The following HHEX variants were observed in gnomAD, a reference collection of about 807,000 sequenced individuals.
HHEX encodes the protein hematopoietically-expressed homeobox protein HHEX.
A neutral mutation model predicts 27.0 loss-of-function variants in HHEX; 8 were observed. The observed-to-expected ratio is 0.30, with a 90% confidence interval of 0.17 to 0.54. The LOEUF is 0.54. Ranked by LOEUF, HHEX falls within the 20% of genes least tolerant of loss-of-function variation. HHEX has a pLI of 0.95. For synonymous variants in HHEX, 164 were observed against 161.5 expected, an observed-to-expected ratio of 1.02 and a Z score of -0.12; for missense variants, 326 against 357.2, an observed-to-expected ratio of 0.91 and a Z score of 0.70.
chr10:92,691,508 G>A (rs960958863), intron 1 of HHEX: 2 of 152,232 alleles, frequency 1.3e-5, no homozygotes, highest in African/African-American at 4.8e-5. Flanking sequence ...AGGGGAGGGG[G>A]ATTGTATTTT....
intron 3 of HHEX, among the ~76,000 whole-genome samples, chr10:92,693,021 C>T (rs1448675594): frequency 1.3e-5 from 2 of 152,104 alleles, no homozygotes; most frequent in African/African-American, 4.8e-5. Context: ...TTATAAATCC[C>T]ATATGTTGTT....
chr10:92,690,373 G>C (rs866019189), intron 1 of HHEX, 26 bp downstream of exon 1: 2 of 1,404,832 alleles, frequency 1.4e-6, no homozygotes, highest in African/African-American at 1.5e-5. Flanking sequence ...GAGGGTGGGG[G>C]CGAGGAAGCG....
rs777102021 is a variant in HHEX, at chr10:92,692,373, C to T, written c.367C>T (p.Pro123Ser). 11 of 1,613,172 alleles carry T rather than the reference C, an allele frequency of 6.8e-6. No homozygotes were observed. The Admixed American group carries it at 1.7e-4, about 24-fold the overall frequency. ...GCCGCTCTTCCCGCTCGCAGGCAAA[C>T]CTCTACTCTGGAGCCCCTTCTTGCA... ...ALLRHDPLGKPLLWSPFLQRP... is the reference protein window; with the variant it reads ...ALLRHDPLGKSLLWSPFLQRP... The change falls in exon 2 of 4, where the codon CCT becomes TCT. Residue 123 changes from proline (P) to serine (S), a missense_variant. By Grantham distance (74) the Pro-to-Ser change is moderately conservative. Coordinates refer to ENST00000282728, the MANE Select transcript of HHEX (RefSeq NM_002729.5).
chr10:92,694,778 G>GC lies in HHEX; in HGVS notation c.*11dup. 6.3e-7 allele frequency: 1 copy of GC among 1,577,638 alleles called. No homozygotes were observed. Among genetic ancestry groups the GC allele is most frequent in the Non-Finnish European group, 8.7e-7 (1 of 1,147,838 alleles). The stretch of plus-strand genomic sequence containing the variant: ...TTTTAATGCTGGATGATGACCACTG[G>GC]CATTGGCATGTTCAGAAAACTGGAT... On this transcript the variant is annotated 3_prime_UTR_variant, in exon 4 of 4. Transcript: ENST00000282728.
chr10:92,693,512 A>G lies in HHEX; in HGVS notation c.591+760A>G, dbSNP rs558595613. On this transcript the variant is annotated intron_variant, in intron 3 of 3. Coordinates refer to ENST00000282728, the MANE Select transcript of HHEX (RefSeq NM_002729.5). ...TCATTGTATATACGGTTTATAATAA[A>G]TACTTTGAAACAATGAGTGGAGAAA... 1.1e-4 allele frequency among the ~76,000 whole-genome samples: 16 copies of G among 152,336 alleles called. No homozygotes were observed. In the South Asian group the frequency reaches 3.3e-3, roughly 32 times the overall value.
chr10:92,695,568 A>G lies in HHEX; in HGVS notation c.*800A>G, dbSNP rs1416405164. The G allele has an allele frequency of 6.6e-6, 1 of 152,250 alleles. No individual in the cohort carries two copies. The highest frequency in any genetic ancestry group is 1.9e-4 in the East Asian group (1 of 5,202). The allele number at this position is 152,250 out of a possible 1,614,324, so 9.4% of individuals were successfully genotyped here. A position where few individuals can be genotyped will look rare whatever the true frequency, so the allele number is the denominator to read the frequency against. On this transcript the variant is annotated 3_prime_UTR_variant, in exon 4 of 4. Coordinates refer to ENST00000282728, the MANE Select transcript of HHEX (RefSeq NM_002729.5). ...GTATATAGAATTGTTCACTGTAAAA[A>G]AAATGGCCAAAATGTGTTTTTTTTT...
Position 92,694,733 on chromosome 10 carries a change from A to AT in HHEX, c.780dup (p.Glu261Ter). 1 of 1,614,010 alleles carries AT rather than the reference A, an allele frequency of 6.2e-7. No individual in the cohort carries two copies. The highest frequency in any genetic ancestry group is 8.5e-7 in the Non-Finnish European group (1 of 1,179,882). Reference sequence around the variant, plus strand: ...AGAGGATTCTGATCAGGAAGTGGACATTGAGGGCGATAAAAGCTATTTTAA... The same window carrying AT: ...AGAGGATTCTGATCAGGAAGTGGACATTTGAGGGCGATAAAAGCTATTTTAA... On this transcript the variant is annotated frameshift_variant, in exon 4 of 4. Transcript: ENST00000282728. LOFTEE classifies it high-confidence loss of function.
At position 92,692,666 on chromosome 10, in the gene HHEX, G is replaced by A. The variant is rs757112503; in HGVS notation, c.541-36G>A. The A allele has an allele frequency of 1.9e-6, 3 of 1,611,736 alleles. No homozygotes were observed. The Admixed American group carries it at 5.0e-5, about 27-fold the overall frequency. On this transcript the variant is annotated intron_variant, in intron 2 of 3. Transcript: ENST00000282728. ...CTGCCCTCTGGCACGTCCCGACGCG[G>A]GCTCGTTGCAAGTTTTCTTTCTCTC...
Position 92,694,821 on chromosome 10 carries a change from C to A in HHEX, c.*53C>A. 1 of 1,327,062 alleles carries A rather than the reference C, an allele frequency of 7.5e-7. No homozygotes were observed. The highest frequency in any genetic ancestry group is 1.2e-5 in the South Asian group (1 of 83,410). The allele number at this position is 1,327,062 out of a possible 1,614,324, so 82.2% of individuals were successfully genotyped here. ...AACTGGATTTAGGAATAATGTTTTG[C>A]TACAGAAAATCTTCATAGAAGAACT... On this transcript the variant is annotated 3_prime_UTR_variant, in exon 4 of 4. Transcript: ENST00000282728.
chr10:92,692,138 T>C (rs1303169127), intron 1 of HHEX: 1 of 455,436 alleles, frequency 2.2e-6, no homozygotes, highest in South Asian at 3.6e-5. Flanking sequence ...CGGCTGTGTG[T>C]CTGTCTGTGT....
chr10:92,693,324 G>C (rs988937596), intron 3 of HHEX, among the ~76,000 whole-genome samples: 2 of 152,210 alleles, frequency 1.3e-5, no homozygotes, highest in Admixed American at 6.5e-5. Flanking sequence ...CTTTCTGACA[G>C]TCTTTCTTCC....
intron 1 of HHEX, among the ~76,000 whole-genome samples, chr10:92,690,572 C>G (rs1402782282): frequency 6.6e-6 from 1 of 152,112 alleles, no homozygotes; most frequent in Non-Finnish European, 1.5e-5. Flanking sequence ...GCGCGCGGGC[C>G]GGCGGTAGAC....
chr10:92,691,999 A>G (rs1845359465), intron 1 of HHEX: 1 of 170,306 alleles, frequency 5.9e-6, no homozygotes, highest in Non-Finnish European at 1.3e-5. Flanking sequence ...AGGGAGATCC[A>G]AGGGGGCAAA....
At chr10:92,690,653 A>G (rs1845344697) in intron 1 of HHEX, among the ~76,000 whole-genome samples, 1 of 152,212 alleles carries the variant, frequency 6.6e-6, no homozygotes, top group Admixed American at 6.5e-5. Flanking sequence ...AGGGACGGGG[A>G]AAGGGGCGTC....
At chr10:92,692,293 C>T (rs1845363455) in intron 1 of HHEX, 75 bp from the exon 2 acceptor site, 2 of 1,514,246 alleles carry the variant, frequency 1.3e-6, no homozygotes, top group East Asian at 4.5e-5. Flanking sequence ...TTTGTCATCC[C>T]TGGGGCCCGA....
chr10:92,692,630 G>A (rs1845369207), intron 2 of HHEX, 72 bp from the exon 3 acceptor site: 1 of 1,604,190 alleles, frequency 6.2e-7, no homozygotes. Flanking sequence ...AGAGAGAGGC[G>A]AGGAGCCACC....
chr10:92,690,576 G>T (rs1845343806), intron 1 of HHEX, among the ~76,000 whole-genome samples: 1 of 152,126 alleles, frequency 6.6e-6, no homozygotes. Flanking sequence ...GCGGGCCGGC[G>T]GTAGACCTCG....
chr10:92,690,076 G>T lies in HHEX; in HGVS notation c.90G>T (p.Thr30=), dbSNP rs1845335406. 4.5e-6 allele frequency: 7 copies of T among 1,545,890 alleles called. No homozygotes were observed. The highest frequency in any genetic ancestry group is 6.1e-6 in the Non-Finnish European group (7 of 1,145,248). Residue 30 remains threonine, a synonymous_variant, in exon 1 of 4, where the codon ACG becomes ACT. Coordinates refer to ENST00000282728, the MANE Select transcript of HHEX (RefSeq NM_002729.5). ...CGCTGCTGCAACCCGCACACCCGAC[G>T]CCCTTTTACATCGAGGACATCCTGG... ...PTPLLQPAHP[T]PFYIEDILGR...
rs1845399255 is a variant in HHEX, at chr10:92,695,635, G to C, written c.*867G>C. 1 of 152,078 alleles carries C rather than the reference G, an allele frequency of 6.6e-6. No individual in the cohort carries two copies. Among genetic ancestry groups the C allele is most frequent in the Non-Finnish European group, 1.5e-5 (1 of 68,022 alleles). 9.4% of individuals were successfully genotyped at this position (152,078 alleles called of 1,614,324 possible). A position where few individuals can be genotyped will look rare whatever the true frequency, so the allele number is the denominator to read the frequency against. ...TATAAAATAAAGCCGTCCGTGGGAC[G>C]ACTGACCTCGTTGCAAGTCTAATTC... On this transcript the variant is annotated 3_prime_UTR_variant, in exon 4 of 4. Transcript: ENST00000282728.
Sources: allele counts gnomAD v4.1 joint callset (sites outside exome capture counted in the v4.1 genomes callset), GRCh38; gene constraint gnomAD v4.1.1; transcripts MANE v1.5; gene names NCBI Gene and HGNC (gene_info 2026-07-23, HGNC 2026-07-21).